The following HS6ST3 variants were observed in gnomAD, a reference collection of about 807,000 sequenced individuals.
HS6ST3 encodes heparan-sulfate 6-O-sulfotransferase 3.
HS6ST3 carries 12 observed loss-of-function variants against 36.7 expected under a neutral mutation model. That is an observed-to-expected ratio of 0.33 (90% CI 0.21 to 0.53). The LOEUF (loss-of-function observed/expected upper bound fraction) is 0.53. Ranked by LOEUF, HS6ST3 falls within the 20% of genes least tolerant of loss-of-function variation. The pLI, the probability that HS6ST3 is intolerant of heterozygous loss-of-function variation, is 0.95. For synonymous variants in HS6ST3, 240 were observed against 257.5 expected (o/e 0.93, Z 0.65); for missense variants, 584 against 640.9 (o/e 0.91, Z 0.96).
chr13:96,645,529 G>A (rs1219554059), intron 1 of HS6ST3, among the ~76,000 whole-genome samples: 5 of 151,042 alleles, frequency 3.3e-5, no homozygotes, highest in African/African-American at 1.2e-4. Flanking sequence ...ATATTGATTT[G>A]AGAGAGCCTG....
rs1429214230 is a variant in HS6ST3, at chr13:96,284,914, T to TTGCTTG, written c.707+193345_707+193346insTGCTTG. Among the ~76,000 whole-genome samples, 257 of 51,416 alleles carry TTGCTTG rather than the reference T, an allele frequency of 5.0e-3. 1 individual carries two copies. The highest frequency in any genetic ancestry group is 0.016 in the East Asian group (36 of 2,250). The allele number at this position is 51,416 out of a possible 152,430, so 33.7% of individuals were successfully genotyped here. A position where few individuals can be genotyped will look rare whatever the true frequency, so the allele number is the denominator to read the frequency against. On this transcript the variant is annotated intron_variant, in intron 1 of 1. Transcript: ENST00000376705. ...TTTAAGATTGAATGCATATTTGCTT[T>TTGCTTG]CTTTCTTTCTTTCTTTCTTTCTTTC...
intron 1 of HS6ST3, among the ~76,000 whole-genome samples, chr13:96,520,334 G>GT (rs2056088146): frequency 7.6e-5 from 4 of 52,308 alleles, no homozygotes; most frequent in East Asian, 3.7e-4. Context: ...CCTTGGCTAT[G>GT]CGGGCTCTGT....
chr13:96,647,509 C>G (rs1302683270), intron 1 of HS6ST3, among the ~76,000 whole-genome samples: 1 of 151,930 alleles, frequency 6.6e-6, no homozygotes, highest in African/African-American at 2.4e-5. Flanking sequence ...AAGTGCGATG[C>G]CTTGTACCAA....
chr13:96,243,311 C>G (rs1014338166), intron 1 of HS6ST3, among the ~76,000 whole-genome samples: 17 of 152,116 alleles, frequency 1.1e-4, no homozygotes, highest in African/African-American at 3.1e-4. Context: ...GTTTCTTGAG[C>G]ATTCTTTGTT....
In HS6ST3 at chr13:96,551,678, C is replaced by T. The variant is rs982274127; in HGVS notation, c.708-280812C>T. Among the ~76,000 whole-genome samples the T allele has an allele frequency of 4.6e-5, 7 of 152,144 alleles. No individual in the cohort carries two copies. In the South Asian group the frequency reaches 8.3e-4, roughly 18 times the overall value. On this transcript the variant is annotated intron_variant, in intron 1 of 1. Transcript: ENST00000376705. ...TTTTAGGAAGGGATTTAGCCAGAGC[C>T]TTGAGTTGGGGATTTAACTGTAAAT...
intron 1 of HS6ST3, among the ~76,000 whole-genome samples, chr13:96,352,903 A>C (rs1340281122): frequency 1.3e-5 from 2 of 152,070 alleles, no homozygotes; most frequent in Admixed American, 6.6e-5. Context: ...GGAATTGGGG[A>C]CACAGAGAGA....
chr13:96,237,269 A>C (rs923710269), intron 1 of HS6ST3, among the ~76,000 whole-genome samples: 1 of 152,178 alleles, frequency 6.6e-6, no homozygotes, highest in Non-Finnish European at 1.5e-5. Flanking sequence ...AACAGAATGA[A>C]GTTTATTTGC....
chr13:96,167,305 A>G (rs1166755046), intron 1 of HS6ST3, among the ~76,000 whole-genome samples: 1 of 152,216 alleles, frequency 6.6e-6, no homozygotes, highest in Non-Finnish European at 1.5e-5. Flanking sequence ...TATAAATGGT[A>G]GCCATTATTA....
At chr13:96,577,134 T>C (rs2056325042) in intron 1 of HS6ST3, among the ~76,000 whole-genome samples, 1 of 151,968 alleles carries the variant, frequency 6.6e-6, no homozygotes, top group Non-Finnish European at 1.5e-5. Flanking sequence ...GTCATCTACA[T>C]TTGGTATTTC....
At chr13:96,652,420 C>A (rs1594827808) in intron 1 of HS6ST3, among the ~76,000 whole-genome samples, 1 of 151,484 alleles carries the variant, frequency 6.6e-6, no homozygotes, top group East Asian at 2.0e-4. Context: ...TTCCTTCTTT[C>A]TTTCCCTCAT....
In HS6ST3 at chr13:96,709,534, C is replaced by G. The variant is rs185057459; in HGVS notation, c.708-122956C>G. ...GTGAGGGCTTTTGGAGGACTTAGGC[C>G]GTGAAAGTGGAGTCTTCATGAATGG... On this transcript the variant is annotated intron_variant, in intron 1 of 1. Coordinates refer to ENST00000376705, the MANE Select transcript of HS6ST3 (RefSeq NM_153456.4). 2.0e-5 allele frequency among the ~76,000 whole-genome samples: 3 copies of G among 152,046 alleles called. No individual in the cohort carries two copies. In the South Asian group the frequency reaches 6.3e-4, roughly 32 times the overall value.
chr13:96,531,844 G>T (rs1270427117), intron 1 of HS6ST3, among the ~76,000 whole-genome samples: 2 of 152,196 alleles, frequency 1.3e-5, no homozygotes, highest in Admixed American at 6.5e-5. Flanking sequence ...AATTCCTGCT[G>T]CCTCTCTCCT....
At chr13:96,642,491 C>T (rs1337564102) in intron 1 of HS6ST3, among the ~76,000 whole-genome samples, 1 of 151,744 alleles carries the variant, frequency 6.6e-6, no homozygotes, top group Non-Finnish European at 1.5e-5. Context: ...TTTTGCTGCC[C>T]TTTCCTCCTT....
chr13:96,342,982 G>C (rs1450787415), intron 1 of HS6ST3, among the ~76,000 whole-genome samples: 1 of 152,158 alleles, frequency 6.6e-6, no homozygotes. Flanking sequence ...ATTTTGTACT[G>C]CTTCTCTGTT....
chr13:96,167,290 G>GTACGTATAATGGTACTTA (rs2054165696), intron 1 of HS6ST3, among the ~76,000 whole-genome samples: 1 of 152,188 alleles, frequency 6.6e-6, no homozygotes. Flanking sequence ...CACACAGTAA[G>GTACGTATAATGGTACTTA]TACGTATAAA....
intron 1 of HS6ST3, among the ~76,000 whole-genome samples, chr13:96,589,011 A>C (rs144818681): frequency 6.8e-6 from 1 of 147,954 alleles, no homozygotes; most frequent in African/African-American, 2.5e-5. Flanking sequence ...AGATAGCACC[A>C]CTGCACTCCA....
At chr13:96,501,367 A>C (rs114776806) in intron 1 of HS6ST3, among the ~76,000 whole-genome samples, 2,691 of 152,326 alleles carry the variant, frequency 0.018, 71 homozygotes, top group African/African-American at 0.057. Flanking sequence ...ACTTCATTAC[A>C]TCCTCTGAGC....
At position 96,091,140 on chromosome 13, in the gene HS6ST3, A is replaced by G; in HGVS notation, c.278A>G (p.Glu93Gly). The G allele has an allele frequency of 1.3e-6, 2 of 1,502,638 alleles. No homozygotes were observed. Among genetic ancestry groups the G allele is most frequent in the Non-Finnish European group, 1.8e-6 (2 of 1,126,110 alleles). 93.1% of individuals were successfully genotyped at this position (1,502,638 alleles called of 1,614,324 possible). A position where few individuals can be genotyped will look rare whatever the true frequency, so the allele number is the denominator to read the frequency against. Residue 93 changes from glutamate to glycine, a missense_variant, in exon 1 of 2, where the codon GAG becomes GGG. By Grantham distance (98) the Glu-to-Gly change is moderately conservative. This residue lies in a region of HS6ST3 where 217 missense variants were observed against 205.4 expected (regional missense o/e 1.06). Transcript: ENST00000376705. ...GCCGCGGCGCCGGAGGAGGAGGACG[A>G]GGAGCCCGGAGACCCCCGGGAGGGG... Reference protein sequence around the residue: ...RGAAAPEEEDEEPGDPREGEE... With the variant: ...RGAAAPEEEDGEPGDPREGEE...
At chr13:96,595,467 T>G (rs1397503432) in intron 1 of HS6ST3, among the ~76,000 whole-genome samples, 1 of 151,994 alleles carries the variant, frequency 6.6e-6, no homozygotes, top group Non-Finnish European at 1.5e-5. Flanking sequence ...TTTTTCTCTC[T>G]CTCTCTCTCT....
Sources: allele counts gnomAD v4.1 joint callset (sites outside exome capture counted in the v4.1 genomes callset), GRCh38; gene constraint gnomAD v4.1.1; regional missense constraint gnomAD v4.1.1; transcripts MANE v1.5; gene names NCBI Gene and HGNC (gene_info 2026-07-23, HGNC 2026-07-21).